Variants in CORIN observed in about 807,000 individuals in gnomAD.
The protein encoded by CORIN is corin, serine peptidase.
In CORIN, 117 loss-of-function variants were observed where a neutral mutation model predicts 125.3. That is an observed-to-expected ratio of 0.93 (90% CI 0.80 to 1.09). The LOEUF is 1.09. Ranked by LOEUF, CORIN falls within the 50% of genes least tolerant of loss-of-function variation. The pLI, the probability that CORIN is intolerant of heterozygous loss-of-function variation, is 0.00. For missense variants in CORIN, 1,253 were observed against 1,306.7 expected (o/e 0.96, Z 0.63); for synonymous variants, 450 against 466.4 (o/e 0.96, Z 0.45).
intron 19 of CORIN, among the ~76,000 whole-genome samples, chr4:47,606,461 G>T (rs1487504630): frequency 6.6e-6 from 1 of 152,058 alleles, no homozygotes; most frequent in Non-Finnish European, 1.5e-5. Context: ...GTTTTGCTGT[G>T]TTGCCCAAGC....
chr4:47,732,638 A>G (rs1352128577), intron 5 of CORIN, among the ~76,000 whole-genome samples: 1 of 147,442 alleles, frequency 6.8e-6, no homozygotes, highest in East Asian at 2.0e-4. Context: ...ACCTCAGCTC[A>G]CTGCAACCTC....
chr4:47,820,087 C>A (rs1399570261), intron 1 of CORIN, among the ~76,000 whole-genome samples: 2 of 152,152 alleles, frequency 1.3e-5, no homozygotes, highest in Non-Finnish European at 2.9e-5. Flanking sequence ...CCCCTCCCGA[C>A]ACATTCTTCT....
At chr4:47,771,714 T>C (rs990972229) in intron 3 of CORIN, among the ~76,000 whole-genome samples, 1 of 152,196 alleles carries the variant, frequency 6.6e-6, no homozygotes, top group African/African-American at 2.4e-5. Flanking sequence ...TATTCAGGTC[T>C]TAACTAACTG....
chr4:47,819,547 A>T (rs1732413950), intron 1 of CORIN, among the ~76,000 whole-genome samples: 1 of 152,186 alleles, frequency 6.6e-6, no homozygotes. Context: ...TGAGGAACCA[A>T]CCATTCCTAT....
chr4:47,616,331 A>G (rs1015093687), intron 19 of CORIN, among the ~76,000 whole-genome samples: 1 of 152,168 alleles, frequency 6.6e-6, no homozygotes, highest in African/African-American at 2.4e-5. Context: ...TCAAATATGA[A>G]CAAGTATTTG....
chr4:47,674,416 G>A lies in CORIN; in HGVS notation c.1334C>T (p.Pro445Leu), dbSNP rs373873941. ...DSCGGSSLCD[P>L]NNSLNNCSQC... ...ACTACAGTTATTCAGACTGTTGTTC[G>A]GGTCACAGAGAGAGCTACCACCACA... The change falls in exon 10 of 22, where the codon CCG becomes CTG. Residue 445 changes from proline (P) to leucine (L), a missense_variant. Pro to Leu is a moderately conservative substitution (Grantham distance 98, BLOSUM62 -3). Coordinates refer to ENST00000273857, the MANE Select transcript of CORIN (RefSeq NM_006587.4). The A allele has an allele frequency of 2.5e-5, 41 of 1,612,952 alleles. No individual in the cohort carries two copies. Among genetic ancestry groups the A allele is most frequent in the Middle Eastern group, 1.6e-4 (1 of 6,080 alleles).
At chr4:47,768,417 T>A (rs1335385203) in intron 3 of CORIN, among the ~76,000 whole-genome samples, 1 of 152,162 alleles carries the variant, frequency 6.6e-6, no homozygotes, top group African/African-American at 2.4e-5. Context: ...CTAATATCAA[T>A]TCCTCTCAAA....
chr4:47,742,053 T>C (rs893112130), intron 5 of CORIN, among the ~76,000 whole-genome samples: 6 of 152,162 alleles, frequency 3.9e-5, no homozygotes, highest in African/African-American at 1.2e-4. Flanking sequence ...ATGAATTTTA[T>C]AGTATGTGAA....
At chr4:47,704,228 A>G (rs558031153) in intron 5 of CORIN, among the ~76,000 whole-genome samples, 4 of 152,186 alleles carry the variant, frequency 2.6e-5, no homozygotes, top group Non-Finnish European at 4.4e-5. Flanking sequence ...AGGGGAAAAA[A>G]AAATTAACCT....
chr4:47,647,076 G>A (rs1381369836), intron 13 of CORIN, among the ~76,000 whole-genome samples: 2 of 152,164 alleles, frequency 1.3e-5, no homozygotes, highest in African/African-American at 4.8e-5. Context: ...CTTAGGCCCA[G>A]GGACATCCAT....
At chr4:47,600,113 C>CA (rs1560467005) in intron 21 of CORIN, 101 bp downstream of exon 21, 2 of 1,084,614 alleles carry the variant, frequency 1.8e-6, no homozygotes, top group Non-Finnish European at 1.3e-6. Flanking sequence ...AAATGATTTT[C>CA]AAAAAATGTT....
intron 19 of CORIN, among the ~76,000 whole-genome samples, chr4:47,609,587 AT>A (rs33915844): frequency 0.27 from 40,864 of 150,856 alleles, 5,652 homozygotes; most frequent in Admixed American, 0.36. Flanking sequence ...AGGTAAACGG[AT>A]TTTTTTTTTC....
intron 1 of CORIN, among the ~76,000 whole-genome samples, chr4:47,831,144 CAG>C (rs1220999342): frequency 3.3e-5 from 5 of 152,242 alleles, no homozygotes; most frequent in African/African-American, 9.6e-5. Flanking sequence ...GGATCACCTA[CAG>C]GACAACCTTG....
Position 47,595,454 on chromosome 4 carries a change from G to T in CORIN, c.*267C>A. 4.1e-6 allele frequency: 1 copy of T among 244,012 alleles called. No individual in the cohort carries two copies. Among genetic ancestry groups the T allele is most frequent in the Non-Finnish European group, 7.9e-6 (1 of 127,230 alleles). The allele number at this position is 244,012 out of a possible 1,614,324, so 15.1% of individuals were successfully genotyped here. A position where few individuals can be genotyped will look rare whatever the true frequency, so the allele number is the denominator to read the frequency against. On this transcript the variant is annotated 3_prime_UTR_variant, in exon 22 of 22. Coordinates refer to ENST00000273857, the MANE Select transcript of CORIN (RefSeq NM_006587.4). ...CCAGAGTCGATAATTTTGTGCTGCA[G>T]TCATGGTTAGGCCTGGCAAAAGGAC...
intron 11 of CORIN, among the ~76,000 whole-genome samples, chr4:47,663,587 A>G (rs1724344501): frequency 6.6e-6 from 1 of 152,192 alleles, no homozygotes; most frequent in African/African-American, 2.4e-5. Context: ...TTAATATGGA[A>G]CTTAAGCCCT....
rs539408628 is a variant in CORIN, at chr4:47,763,439, T to C, written c.557A>G (p.His186Arg). The change falls in exon 4 of 22, where the codon CAT becomes CGT. Residue 186 changes from histidine to arginine, a missense_variant. Transcript: ENST00000273857. The part of the protein sequence containing the change: ...TYLHRLSCYQ[H>R]IMLFGCTLAF... ...GAGGGTACAGCCAAACAGCATGATATGTTGATAGCAACTGAGGCGATGGAG... is the reference window on the plus strand; with the variant it reads ...GAGGGTACAGCCAAACAGCATGATACGTTGATAGCAACTGAGGCGATGGAG... 2 of 1,614,158 alleles carry C rather than the reference T, an allele frequency of 1.2e-6. No individual in the cohort carries two copies. Among genetic ancestry groups the C allele is most frequent in the South Asian group, 1.1e-5 (1 of 91,080 alleles).
chr4:47,676,295 C>A (rs1003022849), intron 9 of CORIN, among the ~76,000 whole-genome samples: 2 of 152,174 alleles, frequency 1.3e-5, no homozygotes, highest in South Asian at 2.1e-4. Context: ...CCTACACATG[C>A]CTTGCACCTT....
intron 16 of CORIN, among the ~76,000 whole-genome samples, chr4:47,638,294 A>G (rs2109599007): frequency 6.6e-6 from 1 of 152,276 alleles, no homozygotes; most frequent in East Asian, 1.9e-4. Flanking sequence ...TGGACTCTTG[A>G]GGTAATGCTG....
At chr4:47,784,661 CTGAG>C (rs1165889141) in intron 3 of CORIN, among the ~76,000 whole-genome samples, 1 of 152,184 alleles carries the variant, frequency 6.6e-6, no homozygotes, top group Non-Finnish European at 1.5e-5. Context: ...ATTAACTTGA[CTGAG>C]TTTTTGTTTA....
Sources: gnomAD v4.1 joint callset for allele counts (sites outside exome capture counted in the v4.1 genomes callset) on GRCh38, gnomAD v4.1.1 for gene constraint, MANE v1.5 for transcripts, NCBI Gene and HGNC (gene_info 2026-07-23, HGNC 2026-07-21) for gene names.